The following KCNIP4 variants were observed in gnomAD, a reference collection of about 807,000 sequenced individuals.
The protein encoded by KCNIP4 is potassium voltage-gated channel interacting protein 4.
Under a neutral mutation model 34.0 loss-of-function variants are expected in KCNIP4, and 12 were observed. The ratio of observed to expected loss-of-function variants is 0.35; its 90% CI spans 0.23 to 0.57. KCNIP4 has a LOEUF of 0.57. KCNIP4 is among the 20% of genes least tolerant of loss of function. The pLI is 0.83. For missense variants in KCNIP4, 238 were observed against 311.7 expected (o/e 0.76, Z 1.78); for synonymous variants, 124 against 102.2 (o/e 1.21, Z -1.29).
intron 1 of KCNIP4, among the ~76,000 whole-genome samples, chr4:21,889,154 G>T (rs1181331721): frequency 5.3e-5 from 8 of 152,044 alleles, no homozygotes; most frequent in Admixed American, 2.0e-4. Context: ...ACAACCACAG[G>T]TTATCCACAC....
At chr4:20,950,246 T>G (rs1732641220) in intron 1 of KCNIP4, among the ~76,000 whole-genome samples, 1 of 152,066 alleles carries the variant, frequency 6.6e-6, no homozygotes, top group African/African-American at 2.4e-5. Flanking sequence ...AATACATGTC[T>G]TCCTTACCAG....
chr4:20,754,615 C>T (rs548554051), intron 4 of KCNIP4, among the ~76,000 whole-genome samples: 5 of 152,190 alleles, frequency 3.3e-5, no homozygotes, highest in East Asian at 1.9e-4. Flanking sequence ...TTTCCTTCAG[C>T]GATGCCTCAT....
At chr4:21,615,957 C>A (rs140926828) in intron 1 of KCNIP4, among the ~76,000 whole-genome samples, 2 of 152,310 alleles carry the variant, frequency 1.3e-5, no homozygotes, top group African/African-American at 4.8e-5. Flanking sequence ...TCTATCCATG[C>A]CCTTTATGGT....
At chr4:21,813,040 T>A (rs965411017) in intron 1 of KCNIP4, among the ~76,000 whole-genome samples, 1 of 152,184 alleles carries the variant, frequency 6.6e-6, no homozygotes, top group East Asian at 1.9e-4. Flanking sequence ...AGAGGCTACA[T>A]CTTCTAATGG....
intron 3 of KCNIP4, among the ~76,000 whole-genome samples, chr4:20,776,251 TG>T (rs1553894272): frequency 6.6e-6 from 1 of 152,238 alleles, no homozygotes; most frequent in Non-Finnish European, 1.5e-5. Flanking sequence ...TTTATGTTTT[TG>T]CCCCGTAAGG....
At chr4:21,629,378 A>G (rs1365318401) in intron 1 of KCNIP4, among the ~76,000 whole-genome samples, 1 of 152,184 alleles carries the variant, frequency 6.6e-6, no homozygotes, top group Non-Finnish European at 1.5e-5. Context: ...TAGCTTGCCT[A>G]GTTTCATGGC....
chr4:21,796,724 A>T (rs13119994), intron 1 of KCNIP4, among the ~76,000 whole-genome samples: 13,201 of 152,260 alleles, frequency 0.087, 686 homozygotes, highest in Middle Eastern at 0.14. Context: ...TGGATTGGAA[A>T]TTTCATTTTT....
intron 3 of KCNIP4, among the ~76,000 whole-genome samples, chr4:20,841,159 A>T (rs1271389761): frequency 6.6e-6 from 1 of 152,234 alleles, no homozygotes; most frequent in African/African-American, 2.4e-5. Flanking sequence ...CTTCAATTTT[A>T]CTCAGTAGAT....
At chr4:21,559,999 C>T (rs1308475958) in intron 1 of KCNIP4, among the ~76,000 whole-genome samples, 1 of 152,034 alleles carries the variant, frequency 6.6e-6, no homozygotes, top group Non-Finnish European at 1.5e-5. Context: ...TGATCTATTT[C>T]ATTTTACTTT....
At chr4:21,655,188 T>C (rs1747822677) in intron 1 of KCNIP4, among the ~76,000 whole-genome samples, 1 of 152,078 alleles carries the variant, frequency 6.6e-6, no homozygotes, top group African/African-American at 2.4e-5. Context: ...GAGCTCTCTT[T>C]TGCATAATGA....
intron 1 of KCNIP4, among the ~76,000 whole-genome samples, chr4:21,626,631 G>A (rs769837713): frequency 6.6e-6 from 1 of 152,072 alleles, no homozygotes; most frequent in Non-Finnish European, 1.5e-5. Flanking sequence ...CTTTGGGGCA[G>A]TGGCAACTAC....
chr4:21,272,431 T>A (rs1208197648), intron 1 of KCNIP4, among the ~76,000 whole-genome samples: 6 of 152,210 alleles, frequency 3.9e-5, no homozygotes, highest in African/African-American at 1.4e-4. Flanking sequence ...AAGTCAGTCA[T>A]CAGATCTTCA....
At chr4:21,642,744 C>T (rs1245353006) in intron 1 of KCNIP4, among the ~76,000 whole-genome samples, 7 of 151,902 alleles carry the variant, frequency 4.6e-5, no homozygotes, top group African/African-American at 1.7e-4. Flanking sequence ...CTCTTCATGC[C>T]TCTGAATCAA....
chr4:21,548,116 T>C lies in KCNIP4; in HGVS notation c.61+400455A>G, dbSNP rs139425173. On this transcript the variant is annotated intron_variant, in intron 1 of 8. Transcript: ENST00000382152. ...TTGTTAATGCAGTGAAAACATAATA[T>C]GTTCAGGGTAACCAAGGAGCACAGC... Among the ~76,000 whole-genome samples, 12 of 152,238 alleles carry C rather than the reference T, an allele frequency of 7.9e-5. No individual in the cohort carries two copies. In the East Asian group the frequency reaches 2.3e-3, roughly 29 times the overall value.
intron 1 of KCNIP4, among the ~76,000 whole-genome samples, chr4:21,788,747 T>C (rs1238227643): frequency 6.6e-6 from 1 of 152,056 alleles, no homozygotes; most frequent in Non-Finnish European, 1.5e-5. Flanking sequence ...AACAACCCAT[T>C]AAGTAGATAT....
chr4:20,947,973 C>T (rs1732369264), intron 1 of KCNIP4, among the ~76,000 whole-genome samples: 1 of 152,170 alleles, frequency 6.6e-6, no homozygotes, highest in African/African-American at 2.4e-5. Flanking sequence ...TCAGTTTACA[C>T]ATGTGGAAAA....
chr4:21,382,314 A>C (rs900260403), intron 1 of KCNIP4, among the ~76,000 whole-genome samples: 10 of 152,186 alleles, frequency 6.6e-5, no homozygotes, highest in African/African-American at 2.2e-4. Flanking sequence ...GCAATGGAAG[A>C]TATAGATGGG....
chr4:20,782,387 C>A (rs1756951377), intron 3 of KCNIP4, among the ~76,000 whole-genome samples: 1 of 152,210 alleles, frequency 6.6e-6, no homozygotes, highest in Non-Finnish European at 1.5e-5. Flanking sequence ...CTGCACTGCC[C>A]TAGTAGATGT....
intron 1 of KCNIP4, among the ~76,000 whole-genome samples, chr4:21,494,775 A>G (rs1230086519): frequency 7.7e-6 from 1 of 130,376 alleles, no homozygotes; most frequent in Non-Finnish European, 1.6e-5. Context: ...AGACTGTGTA[A>G]AAAAAAAAAA....
Sources: allele counts gnomAD v4.1 joint callset (sites outside exome capture counted in the v4.1 genomes callset), GRCh38; gene constraint gnomAD v4.1.1; transcripts MANE v1.5; gene names NCBI Gene and HGNC (gene_info 2026-07-23, HGNC 2026-07-21).